Variants in NELL1 observed in about 807,000 individuals in gnomAD.
NELL1 encodes the protein neural EGFL like 1.
In NELL1, 76 loss-of-function variants were observed where a neutral mutation model predicts 107.4. The observed-to-expected ratio is 0.71, with a 90% confidence interval of 0.59 to 0.86. NELL1 has a LOEUF of 0.86. Ranked by LOEUF, NELL1 falls within the 40% of genes least tolerant of loss-of-function variation. The probability of loss-of-function intolerance (pLI) is 0.00; values close to 1 mark genes in which losing one functional copy is unlikely to be tolerated. For synonymous variants in NELL1, 353 were observed against 341.2 expected, an observed-to-expected ratio of 1.03 and a Z score of -0.38; for missense variants, 1,024 against 1,005.5, an observed-to-expected ratio of 1.02 and a Z score of -0.25.
intron 15 of NELL1, among the ~76,000 whole-genome samples, chr11:21,458,500 A>G (rs1160640228): frequency 3.3e-5 from 5 of 152,220 alleles, no homozygotes; most frequent in Non-Finnish European, 7.4e-5. Flanking sequence ...TAAATAAATT[A>G]TGGTGTATTC....
intron 2 of NELL1, among the ~76,000 whole-genome samples, chr11:20,780,890 A>G (rs541692749): frequency 6.6e-6 from 1 of 152,278 alleles, no homozygotes; most frequent in South Asian, 2.1e-4. Context: ...ATGGGGTGGG[A>G]AAGGCAGGCA....
chr11:21,550,845 A>G (rs1856561305), intron 16 of NELL1, among the ~76,000 whole-genome samples: 1 of 151,726 alleles, frequency 6.6e-6, no homozygotes, highest in Admixed American at 6.6e-5. Flanking sequence ...GTTCCATATG[A>G]ACTTTAAAGT....
chr11:21,188,387 C>A (rs1856978173), intron 13 of NELL1, among the ~76,000 whole-genome samples: 1 of 151,752 alleles, frequency 6.6e-6, no homozygotes. Flanking sequence ...CACAACTCTG[C>A]AAATGTGTTT....
chr11:21,048,523 CT>C (rs1853411642), intron 12 of NELL1, among the ~76,000 whole-genome samples: 1 of 152,082 alleles, frequency 6.6e-6, no homozygotes, highest in Non-Finnish European at 1.5e-5. Flanking sequence ...TGTTCCCTTG[CT>C]TCTCATCCTC....
At chr11:20,943,417 T>C (rs917234736) in intron 10 of NELL1, among the ~76,000 whole-genome samples, 2 of 151,940 alleles carry the variant, frequency 1.3e-5, no homozygotes, top group Non-Finnish European at 2.9e-5. Flanking sequence ...ACCCTGTCTC[T>C]ACTAAAATAC....
chr11:21,442,001 T>C (rs767940096), intron 15 of NELL1, among the ~76,000 whole-genome samples: 12 of 152,182 alleles, frequency 7.9e-5, no homozygotes, highest in Admixed American at 5.2e-4. Context: ...AAAATAAAAA[T>C]ACTTATAGGT....
chr11:21,538,247 CT>C (rs796633967), intron 16 of NELL1, among the ~76,000 whole-genome samples: 23 of 152,142 alleles, frequency 1.5e-4, no homozygotes, highest in African/African-American at 5.3e-4. Context: ...CTCTATGTCA[CT>C]TTTTGTCAGA....
At chr11:21,521,915 A>G (rs1591002618) in intron 15 of NELL1, among the ~76,000 whole-genome samples, 1 of 152,164 alleles carries the variant, frequency 6.6e-6, no homozygotes, top group Admixed American at 6.5e-5. Flanking sequence ...TGAAAAATGT[A>G]TATTCATATC....
At chr11:20,820,359 C>A (rs952881749) in intron 3 of NELL1, among the ~76,000 whole-genome samples, 1 of 152,142 alleles carries the variant, frequency 6.6e-6, no homozygotes, top group Non-Finnish European at 1.5e-5. Context: ...TTATTAAATA[C>A]CTATTATAAA....
At chr11:21,059,276 T>C (rs1192625643) in intron 12 of NELL1, among the ~76,000 whole-genome samples, 3 of 151,912 alleles carry the variant, frequency 2.0e-5, no homozygotes, top group Admixed American at 2.0e-4. Context: ...TTTTTTTTTT[T>C]TTCAAATTTG....
intron 12 of NELL1, among the ~76,000 whole-genome samples, chr11:21,087,146 A>G (rs1247217211): frequency 6.6e-6 from 1 of 152,210 alleles, no homozygotes; most frequent in Non-Finnish European, 1.5e-5. Flanking sequence ...GCCCAGTGGA[A>G]TGGTTTTAAC....
chr11:21,110,274 A>C lies in NELL1; in HGVS notation c.1301-3315A>C, dbSNP rs544954860. 3.3e-5 allele frequency among the ~76,000 whole-genome samples: 5 copies of C among 152,290 alleles called. No homozygotes were observed. The South Asian group carries it at 1.0e-3, about 32-fold the overall frequency. Reference sequence around the variant, plus strand: ...AATGGTATAAACTGAAAACCTACTCAAAAACACATCAGCAGAGCATCAGGG... The same window carrying C: ...AATGGTATAAACTGAAAACCTACTCCAAAACACATCAGCAGAGCATCAGGG... On this transcript the variant is annotated intron_variant, in intron 12 of 19. Transcript: ENST00000357134.
intron 3 of NELL1, among the ~76,000 whole-genome samples, chr11:20,817,825 G>C (rs1266296541): frequency 5.6e-5 from 2 of 35,676 alleles, no homozygotes; most frequent in African/African-American, 8.7e-5. Flanking sequence ...TTGTGTCTCT[G>C]TTTTAAAGAT....
At chr11:20,785,752 A>G (rs1334830778) in intron 3 of NELL1, among the ~76,000 whole-genome samples, 4 of 152,144 alleles carry the variant, frequency 2.6e-5, no homozygotes, top group Non-Finnish European at 4.4e-5. Context: ...GTGTGTAATA[A>G]TCTATTTTCC....
chr11:20,938,306 A>T (rs1318674375), intron 10 of NELL1, among the ~76,000 whole-genome samples: 1 of 152,210 alleles, frequency 6.6e-6, no homozygotes, highest in African/African-American at 2.4e-5. Context: ...GTATAAGATC[A>T]TAGATCTCAT....
At chr11:21,211,312 A>G (rs1857492437) in intron 13 of NELL1, among the ~76,000 whole-genome samples, 1 of 152,166 alleles carries the variant, frequency 6.6e-6, no homozygotes, top group Admixed American at 6.6e-5. Context: ...GAAAATGCTT[A>G]TGATGAGAGG....
At chr11:20,764,315 TCAA>T (rs1281728996) in intron 2 of NELL1, among the ~76,000 whole-genome samples, 1 of 152,238 alleles carries the variant, frequency 6.6e-6, no homozygotes, top group Non-Finnish European at 1.5e-5. Flanking sequence ...TCTCTTATAA[TCAA>T]CAGCTTTTTG....
chr11:21,476,668 A>G (rs1002123077), intron 15 of NELL1, among the ~76,000 whole-genome samples: 6 of 152,160 alleles, frequency 3.9e-5, no homozygotes, highest in African/African-American at 1.2e-4. Flanking sequence ...TTAACTTCAT[A>G]TTACTGAAAA....
chr11:21,239,781 A>G (rs1347196026), intron 14 of NELL1, among the ~76,000 whole-genome samples: 2 of 152,006 alleles, frequency 1.3e-5, no homozygotes, highest in Non-Finnish European at 2.9e-5. Flanking sequence ...AAGTGAACCA[A>G]GATAGATGGT....
Sources: gnomAD v4.1 joint callset for allele counts (sites outside exome capture counted in the v4.1 genomes callset) on GRCh38, gnomAD v4.1.1 for gene constraint, MANE v1.5 for transcripts, NCBI Gene and HGNC (gene_info 2026-07-23, HGNC 2026-07-21) for gene names.